GALNT13: variants seen among roughly 807,000 people sequenced by gnomAD.
GALNT13 encodes UDP-GalNAc:polypeptide N-acetylgalactosaminyltransferase 13.
In GALNT13, 28 loss-of-function variants were observed where a neutral mutation model predicts 64.2. That is an observed-to-expected ratio of 0.44 (90% CI 0.32 to 0.60). GALNT13 has a LOEUF of 0.60. Ranked by LOEUF, GALNT13 falls within the 20% of genes least tolerant of loss-of-function variation. The pLI, the probability that GALNT13 is intolerant of heterozygous loss-of-function variation, is 0.05. For synonymous variants in GALNT13, 214 were observed against 224.6 expected (o/e 0.95, Z 0.42); for missense variants, 577 against 669.8 (o/e 0.86, Z 1.53).
the GALNT13 span, among the ~76,000 whole-genome samples, chr2:153,473,710 T>C: frequency 6.6e-6 from 1 of 152,298 alleles, no homozygotes; most frequent in East Asian, 1.9e-4. Flanking sequence ...TTTCCTGTCA[T>C]TGTAACCCCC....
the GALNT13 span, among the ~76,000 whole-genome samples, chr2:153,516,522 C>T: frequency 1.3e-5 from 2 of 151,954 alleles, no homozygotes; most frequent in Non-Finnish European, 1.5e-5. Context: ...GGGGAGATTA[C>T]AAGTTAGGTG....
the GALNT13 span, among the ~76,000 whole-genome samples, chr2:153,716,967 T>C: frequency 1.3e-5 from 2 of 152,072 alleles, no homozygotes; most frequent in Admixed American, 6.6e-5. Context: ...CCACTGGCTC[T>C]AAACAATGTT....
the GALNT13 span, among the ~76,000 whole-genome samples, chr2:153,828,842 C>T: frequency 6.6e-6 from 1 of 152,148 alleles, no homozygotes; most frequent in South Asian, 2.1e-4. Context: ...AACTGAATGC[C>T]TTTAACAGCA....
chr2:154,004,638 A>C (rs1696132122), intron 3 of GALNT13, among the ~76,000 whole-genome samples: 1 of 152,184 alleles, frequency 6.6e-6, no homozygotes, highest in South Asian at 2.1e-4. Flanking sequence ...CTAGTATCTC[A>C]GTCGTACCAT....
chr2:154,043,417 TA>T (rs1699102721), intron 3 of GALNT13, among the ~76,000 whole-genome samples: 1 of 17,306 alleles, frequency 5.8e-5, no homozygotes, highest in Admixed American at 6.2e-4. Flanking sequence ...AGGACTTTTA[TA>T]TATATATATA....
chr2:153,736,643 T>G, the GALNT13 span, among the ~76,000 whole-genome samples: 1 of 152,160 alleles, frequency 6.6e-6, no homozygotes, highest in African/African-American at 2.4e-5. Flanking sequence ...CTATCTATCA[T>G]TTATCCATCT....
the GALNT13 span, among the ~76,000 whole-genome samples, chr2:153,567,566 A>T: frequency 1.3e-5 from 2 of 152,240 alleles, no homozygotes; most frequent in African/African-American, 4.8e-5. Flanking sequence ...AGCACCAAGC[A>T]AATCTAGTGA....
the GALNT13 span, among the ~76,000 whole-genome samples, chr2:153,666,288 C>T: frequency 1.3e-5 from 2 of 152,282 alleles, no homozygotes; most frequent in South Asian, 4.1e-4. Context: ...CTTGCCACCA[C>T]TGGTGTGCAC....
At chr2:154,308,269 C>T (rs1228768043) in intron 9 of GALNT13, among the ~76,000 whole-genome samples, 1 of 152,086 alleles carries the variant, frequency 6.6e-6, no homozygotes, top group African/African-American at 2.4e-5. Context: ...AGGTTAACTC[C>T]CTATTCGTTA....
intron 3 of GALNT13, among the ~76,000 whole-genome samples, chr2:154,023,705 A>G (rs1170370092): frequency 6.6e-6 from 1 of 152,088 alleles, no homozygotes; most frequent in African/African-American, 2.4e-5. Flanking sequence ...TTTAAAGTTA[A>G]TGTTGTTATG....
chr2:153,324,003 T>C, the GALNT13 span, among the ~76,000 whole-genome samples: 12 of 152,218 alleles, frequency 7.9e-5, no homozygotes, highest in Admixed American at 3.9e-4. Flanking sequence ...AAATTTAAAG[T>C]AGTTTTTTTC....
chr2:154,340,914 G>C (rs1424713306), intron 9 of GALNT13, among the ~76,000 whole-genome samples: 1 of 152,072 alleles, frequency 6.6e-6, no homozygotes, highest in Admixed American at 6.6e-5. Context: ...GTGTGTGTGT[G>C]TGTGTGTGCC....
the GALNT13 span, among the ~76,000 whole-genome samples, chr2:153,596,302 G>C: frequency 3.3e-5 from 5 of 152,146 alleles, no homozygotes; most frequent in Admixed American, 3.3e-4. Context: ...ATCAGTCAGA[G>C]AGCCTAGCCA....
chr2:153,114,567 T>A, the GALNT13 span, among the ~76,000 whole-genome samples: 1 of 152,242 alleles, frequency 6.6e-6, no homozygotes, highest in East Asian at 1.9e-4. Flanking sequence ...TGTGAACACA[T>A]CTGAGAGCTG....
chr2:153,135,205 T>G, the GALNT13 span, among the ~76,000 whole-genome samples: 1 of 152,118 alleles, frequency 6.6e-6, no homozygotes, highest in African/African-American at 2.4e-5. Flanking sequence ...TCTTCTTCTT[T>G]CATATAAGGC....
chr2:153,910,878 A>T (rs1182989391), intron 2 of GALNT13, among the ~76,000 whole-genome samples: 3 of 152,174 alleles, frequency 2.0e-5, no homozygotes, highest in African/African-American at 7.2e-5. Flanking sequence ...CCATGTGGCA[A>T]TGAGAATAAT....
the GALNT13 span, among the ~76,000 whole-genome samples, chr2:153,596,552 T>C: frequency 6.6e-6 from 1 of 152,130 alleles, no homozygotes; most frequent in Non-Finnish European, 1.5e-5. Flanking sequence ...GAAAGATATT[T>C]TCCTTAGATA....
chr2:154,025,034 G>T (rs1045263592), intron 3 of GALNT13, among the ~76,000 whole-genome samples: 5 of 152,270 alleles, frequency 3.3e-5, no homozygotes, highest in African/African-American at 1.2e-4. Flanking sequence ...AGATGCTGCT[G>T]CCTGATCGTT....
At chr2:154,155,394 A>G (rs1257567259) in intron 4 of GALNT13, among the ~76,000 whole-genome samples, 1 of 152,120 alleles carries the variant, frequency 6.6e-6, no homozygotes, top group East Asian at 1.9e-4. Context: ...ATTCAATTTA[A>G]GAAAGCAGAT....
Sources: allele counts gnomAD v4.1 joint callset (sites outside exome capture counted in the v4.1 genomes callset), GRCh38; gene constraint gnomAD v4.1.1; transcripts MANE v1.5; gene names NCBI Gene and HGNC (gene_info 2026-07-23, HGNC 2026-07-21).